KAZN: variants seen among roughly 807,000 people sequenced by gnomAD.
The protein encoded by KAZN is kazrin.
A neutral mutation model predicts 87.4 loss-of-function variants in KAZN; 40 were observed. The observed-to-expected ratio is 0.46, with a 90% CI of 0.36 to 0.60. KAZN has a LOEUF of 0.60. Ranked by LOEUF, KAZN falls within the 20% of genes least tolerant of loss-of-function variation. The pLI is 0.00. For synonymous variants in KAZN, 466 were observed against 458.3 expected (o/e 1.02, Z -0.22); for missense variants, 898 against 1,073.9 (o/e 0.84, Z 2.29).
intron 1 of KAZN, among the ~76,000 whole-genome samples, chr1:14,057,430 G>T (rs1278210789): frequency 6.6e-6 from 1 of 152,196 alleles, no homozygotes; most frequent in Non-Finnish European, 1.5e-5. Context: ...ACCATGCCCA[G>T]CTATGTTTAG....
Position 14,068,127 on chromosome 1 carries a change from C to A in KAZN, c.92-112308C>A, listed in dbSNP as rs894842776. ...AGGGAGGGGTGTTGATGTTCCCCCCCCCAACAATTGAGGTGTAATTTCCAA... is the reference window on the plus strand; with the variant it reads ...AGGGAGGGGTGTTGATGTTCCCCCCACCAACAATTGAGGTGTAATTTCCAA... On this transcript the variant is annotated intron_variant, in intron 1 of 16. Transcript: ENST00000636203. 2.0e-5 allele frequency among the ~76,000 whole-genome samples: 3 copies of A among 148,168 alleles called. No homozygotes were observed. The Admixed American group carries it at 2.0e-4, about 10-fold the overall frequency.
intron 2 of KAZN, among the ~76,000 whole-genome samples, chr1:14,506,972 T>C (rs1439467840): frequency 6.6e-6 from 1 of 152,190 alleles, no homozygotes; most frequent in Non-Finnish European, 1.5e-5. Context: ...CTAGGAAGGT[T>C]GACCAGCCAT....
At chr1:14,624,672 A>G (rs1403343889) in intron 1 of KAZN, among the ~76,000 whole-genome samples, 1 of 152,182 alleles carries the variant, frequency 6.6e-6, no homozygotes, top group African/African-American at 2.4e-5. Context: ...GGACTCGGTG[A>G]AGAGAGTTCA....
chr1:14,187,115 A>G (rs1646325104), intron 2 of KAZN, among the ~76,000 whole-genome samples: 1 of 152,154 alleles, frequency 6.6e-6, no homozygotes, highest in African/African-American at 2.4e-5. Context: ...ATTAAGCTTG[A>G]ATAAAATAGC....
chr1:14,136,213 G>A (rs963228463), intron 1 of KAZN, among the ~76,000 whole-genome samples: 4 of 152,152 alleles, frequency 2.6e-5, no homozygotes, highest in Admixed American at 2.6e-4. Context: ...GAGGGAGGCA[G>A]GACTGCAGAG....
At chr1:14,976,031 C>CAAAAA (rs1162988294) in intron 2 of KAZN, among the ~76,000 whole-genome samples, 7 of 85,494 alleles carry the variant, frequency 8.2e-5, no homozygotes, top group Non-Finnish European at 1.4e-4. Flanking sequence ...GACTCCGTCT[C>CAAAAA]AAAAAAAAAA....
At chr1:14,428,949 A>C (rs990490967) in intron 2 of KAZN, among the ~76,000 whole-genome samples, 2 of 151,930 alleles carry the variant, frequency 1.3e-5, no homozygotes, top group East Asian at 3.9e-4. Context: ...TTATATATAG[A>C]ACATATATAA....
chr1:14,819,547 C>T (rs569781474), intron 1 of KAZN, among the ~76,000 whole-genome samples: 7 of 152,134 alleles, frequency 4.6e-5, no homozygotes, highest in African/African-American at 1.2e-4. Flanking sequence ...AAGACTGTAA[C>T]GTGGAAATCC....
chr1:14,344,161 TTC>T (rs1491065108), intron 2 of KAZN, among the ~76,000 whole-genome samples: 5 of 86,122 alleles, frequency 5.8e-5, no homozygotes, highest in African/African-American at 2.1e-4. Flanking sequence ...CATTCATGTA[TTC>T]TTTTTTTTTT....
chr1:14,934,996 A>G (rs1037727405), intron 1 of KAZN, among the ~76,000 whole-genome samples: 2 of 152,196 alleles, frequency 1.3e-5, no homozygotes, highest in Non-Finnish European at 2.9e-5. Context: ...GCATTCCCGT[A>G]AACCTCCCTG....
chr1:14,337,705 C>T (rs1191392039), intron 2 of KAZN, among the ~76,000 whole-genome samples: 1 of 152,044 alleles, frequency 6.6e-6, no homozygotes, highest in Non-Finnish European at 1.5e-5. Context: ...ACCAGCCTGG[C>T]CAGCATGGCA....
rs965799564 is a variant in KAZN, at chr1:14,735,778, A to G, written c.226+136555A>G. On this transcript the variant is annotated intron_variant, in intron 1 of 14. Coordinates refer to ENST00000376030, the MANE Select transcript of KAZN (RefSeq NM_201628.3). The surrounding 1 kb of genome is among the most constrained non-coding windows in gnomAD (Gnocchi z 4.3). ...GAGAAATGTCCACGATAGTCCAAGA[A>G]GCGCCGTCCCTGGCCCTGGGTTTGG... is the stretch of plus-strand genomic sequence containing the variant. Among the ~76,000 whole-genome samples, 2 of 152,202 alleles carry G rather than the reference A, an allele frequency of 1.3e-5. No individual in the cohort carries two copies. The highest frequency in any genetic ancestry group is 1.3e-4 in the Admixed American group (2 of 15,286).
rs552801241 is a variant in KAZN, at chr1:14,047,149, C to T, written c.92-133286C>T. Reference sequence around the variant, plus strand: ...CCATTTTAAACTCTTTGTTTAGAAGCGGAACTAGTGGAACTGTTAACTGAA... The same window carrying T: ...CCATTTTAAACTCTTTGTTTAGAAGTGGAACTAGTGGAACTGTTAACTGAA... On this transcript the variant is annotated intron_variant, in intron 1 of 16. Coordinates refer to the KAZN transcript ENST00000636203. Among the ~76,000 whole-genome samples the T allele has an allele frequency of 5.3e-5, 8 of 152,260 alleles. No individual in the cohort carries two copies. In the East Asian group the frequency reaches 1.2e-3, roughly 22 times the overall value.
intron 2 of KAZN, among the ~76,000 whole-genome samples, chr1:14,998,156 G>C (rs2101995227): frequency 6.6e-6 from 1 of 152,284 alleles, no homozygotes; most frequent in South Asian, 2.1e-4. Context: ...CGGCGGGGGG[G>C]AGGGGCAGCG....
intron 1 of KAZN, among the ~76,000 whole-genome samples, chr1:14,177,984 A>G (rs1166252926): frequency 2.6e-5 from 4 of 152,072 alleles, no homozygotes; most frequent in Non-Finnish European, 5.9e-5. Flanking sequence ...AGTTTCCATA[A>G]TCTCCACGTG....
At chr1:14,069,713 AT>A (rs1234428209) in intron 1 of KAZN, among the ~76,000 whole-genome samples, 1 of 152,164 alleles carries the variant, frequency 6.6e-6, no homozygotes, top group East Asian at 1.9e-4. Flanking sequence ...CTTGGATTTC[AT>A]GAAGGGCAGG....
chr1:14,360,088 G>A (rs1405636169), intron 2 of KAZN, among the ~76,000 whole-genome samples: 1 of 152,126 alleles, frequency 6.6e-6, no homozygotes, highest in Non-Finnish European at 1.5e-5. Context: ...ATCAAACATA[G>A]GTTTGGTCTT....
At chr1:14,290,860 T>G (rs1284662198) in intron 2 of KAZN, among the ~76,000 whole-genome samples, 1 of 152,224 alleles carries the variant, frequency 6.6e-6, no homozygotes, top group Non-Finnish European at 1.5e-5. Flanking sequence ...CAGATTGGGT[T>G]TTGGTGTGGA....
At chr1:13,944,804 G>C (rs185206986) in intron 1 of KAZN, among the ~76,000 whole-genome samples, 9 of 152,034 alleles carry the variant, frequency 5.9e-5, no homozygotes, top group African/African-American at 1.9e-4. Flanking sequence ...GACAAGAAAA[G>C]ATAAAATAAG....
Sources: gnomAD v4.1 joint callset for allele counts (sites outside exome capture counted in the v4.1 genomes callset) on GRCh38, gnomAD v4.1.1 for gene constraint, Gnocchi (gnomAD v3.1) non-coding constraint, MANE v1.5 for transcripts, NCBI Gene and HGNC (gene_info 2026-07-23, HGNC 2026-07-21) for gene names.